Variants in CRK observed in about 807,000 individuals in gnomAD.
CRK encodes the protein CRK proto-oncogene, adaptor protein, also known as adapter molecule crk.
A neutral mutation model predicts 29.8 loss-of-function variants in CRK; 4 were observed. The observed-to-expected ratio is 0.13, with a 90% CI of 0.07 to 0.31. The LOEUF (loss-of-function observed/expected upper bound fraction) is 0.31, where lower values mean the gene tolerates loss of function less well. CRK is among the 10% of genes least tolerant of loss of function. The pLI, the probability that CRK is intolerant of heterozygous loss-of-function variation, is 1.00. For missense variants in CRK, 274 were observed against 396.5 expected, an observed-to-expected ratio of 0.69 and a Z score of 2.62; for synonymous variants, 153 against 164.9, an observed-to-expected ratio of 0.93 and a Z score of 0.55.
intron 1 of CRK, among the ~76,000 whole-genome samples, chr17:1,440,995 T>G (rs1466291410): frequency 6.6e-6 from 1 of 152,126 alleles, no homozygotes; most frequent in Admixed American, 6.6e-5. Flanking sequence ...CAGGCGGGAG[T>G]GCAGACCTCA....
intron 1 of CRK, among the ~76,000 whole-genome samples, chr17:1,443,396 T>C (rs1306028940): frequency 6.6e-6 from 1 of 151,882 alleles, no homozygotes. Context: ...TTTTTATTTT[T>C]ACTTTATTAT....
intron 1 of CRK, among the ~76,000 whole-genome samples, chr17:1,455,517 T>G (rs975150783): frequency 1.3e-5 from 2 of 152,194 alleles, no homozygotes; most frequent in African/African-American, 4.8e-5. Context: ...TGGGCGCCGC[T>G]GCCAAGTGAT....
chr17:1,446,970 TTACTTA>T (rs1429853313), intron 1 of CRK, among the ~76,000 whole-genome samples: 1 of 152,166 alleles, frequency 6.6e-6, no homozygotes, highest in Non-Finnish European at 1.5e-5. Flanking sequence ...TTGATGTACT[TTACTTA>T]TAAATTATTT....
At chr17:1,431,691 C>A (rs2073846564) in intron 2 of CRK, among the ~76,000 whole-genome samples, 1 of 152,136 alleles carries the variant, frequency 6.6e-6, no homozygotes, top group African/African-American at 2.4e-5. Flanking sequence ...AGGCTGAAGC[C>A]ATCCTCCCAT....
At chr17:1,438,106 G>A (rs180868777) in intron 1 of CRK, among the ~76,000 whole-genome samples, 3 of 151,994 alleles carry the variant, frequency 2.0e-5, no homozygotes, top group African/African-American at 7.2e-5. Flanking sequence ...GTATAATTCC[G>A]AAGAAGAAAA....
chr17:1,438,600 G>A (rs983214463), intron 1 of CRK, among the ~76,000 whole-genome samples: 5 of 151,416 alleles, frequency 3.3e-5, no homozygotes, highest in African/African-American at 1.2e-4. Flanking sequence ...AAGCAAACAG[G>A]TCATTAAAAA....
intron 1 of CRK, among the ~76,000 whole-genome samples, chr17:1,454,156 C>T (rs1281577870): frequency 1.3e-5 from 2 of 150,934 alleles, no homozygotes; most frequent in Non-Finnish European, 3.0e-5. Context: ...GAGCCAAGAT[C>T]GCGCCACTGC....
chr17:1,430,027 T>C (rs2073823064), intron 2 of CRK, among the ~76,000 whole-genome samples: 1 of 151,500 alleles, frequency 6.6e-6, no homozygotes, highest in Non-Finnish European at 1.5e-5. Context: ...AGATAATGGC[T>C]ATGCCATAAC....
chr17:1,453,074 C>T (rs1023307874), intron 1 of CRK, among the ~76,000 whole-genome samples: 1 of 152,118 alleles, frequency 6.6e-6, no homozygotes, highest in Non-Finnish European at 1.5e-5. Context: ...TGCCACTGCA[C>T]TCCAGCTTGG....
chr17:1,450,827 A>G (rs1238746546), intron 1 of CRK, among the ~76,000 whole-genome samples: 2 of 152,090 alleles, frequency 1.3e-5, no homozygotes, highest in Admixed American at 6.6e-5. Flanking sequence ...TGGAGGGTAC[A>G]GTGAGCTGAG....
At chr17:1,454,045 A>G (rs2074038111) in intron 1 of CRK, among the ~76,000 whole-genome samples, 1 of 151,892 alleles carries the variant, frequency 6.6e-6, no homozygotes, top group African/African-American at 2.4e-5. Flanking sequence ...TACTAAAAAT[A>G]CAAAAAATTA....
At position 1,438,454 on chromosome 17, in the gene CRK, T is replaced by C. The variant is rs117911983; in HGVS notation, c.242-1299A>G. Among the ~76,000 whole-genome samples, 112 of 152,150 alleles carry C rather than the reference T, an allele frequency of 7.4e-4. 2 individuals carry two copies. In the East Asian group the frequency reaches 0.019, roughly 26 times the overall value. ...CTCTGGTATCTTTTTAAATCTAAGA[T>C]AGGTGATCTCAATTTTATCTTTGAC... On this transcript the variant is annotated intron_variant, in intron 1 of 2. Coordinates refer to ENST00000300574, the MANE Select transcript of CRK (RefSeq NM_016823.4).
rs1318885706 is a variant in CRK at position 1,421,712 on chromosome 17, TCAGA to T, written c.*1797_*1800del. ...CAAATACGTGCACACTGACTGTGTG[TCAGA>T]CAGTGTGCCGGTCACTCGGACACCA... On this transcript the variant is annotated 3_prime_UTR_variant, in exon 3 of 3. Coordinates refer to ENST00000300574, the MANE Select transcript of CRK (RefSeq NM_016823.4). The T allele has an allele frequency of 1.3e-5, 2 of 152,184 alleles. No homozygotes were observed. The highest frequency in any genetic ancestry group is 2.9e-5 in the Non-Finnish European group (2 of 68,032). The allele number at this position is 152,184 out of a possible 1,614,324, so 9.4% of individuals were successfully genotyped here. A position where few individuals can be genotyped will look rare whatever the true frequency, so the allele number is the denominator to read the frequency against.
chr17:1,426,867 AAAAT>A (rs1313032716), intron 2 of CRK, among the ~76,000 whole-genome samples: 1 of 151,520 alleles, frequency 6.6e-6, no homozygotes, highest in African/African-American at 2.4e-5. Flanking sequence ...CTCAAAAAAT[AAAAT>A]AAATAAATAA....
chr17:1,428,979 G>T (rs1449016624), intron 2 of CRK, among the ~76,000 whole-genome samples: 1 of 151,556 alleles, frequency 6.6e-6, no homozygotes, highest in South Asian at 2.1e-4. Context: ...CTGAGTAGCT[G>T]GGATTACTGG....
chr17:1,425,233 C>T (rs371989071), intron 2 of CRK, among the ~76,000 whole-genome samples: 1 of 151,500 alleles, frequency 6.6e-6, no homozygotes, highest in South Asian at 2.1e-4. Flanking sequence ...GGGACTACAG[C>T]CGCCCGCCAC....
Position 1,455,891 on chromosome 17 carries a change from G to A in CRK, c.227C>T (p.Ala76Val), listed in dbSNP as rs758982759. 9.6e-5 allele frequency: 152 copies of A among 1,587,962 alleles called. No individual in the cohort carries two copies. The highest frequency in any genetic ancestry group is 1.2e-4 in the Non-Finnish European group (144 of 1,169,430). Residue 76 changes from alanine to valine, a missense_variant, in exon 1 of 3, where the codon GCC (alanine) becomes GTC (valine). Coordinates refer to ENST00000300574, the MANE Select transcript of CRK (RefSeq NM_016823.4). Reference protein sequence around the residue: ...GPRPPVPPSPAQPPPGVSPSR... With the variant: ...GPRPPVPPSPVQPPPGVSPSR... ...CAGTCCCTCACCGGGCGGAGGCTGG[G>A]CGGGCGACGGTGGCACCGGCGGGCG...
At chr17:1,444,176 G>A (rs557503624) in intron 1 of CRK, among the ~76,000 whole-genome samples, 49 of 152,164 alleles carry the variant, frequency 3.2e-4, no homozygotes, top group African/African-American at 1.0e-3. Flanking sequence ...AAGCTAAACT[G>A]CAGTAGCTAT....
chr17:1,441,236 G>GT (rs2073932822), intron 1 of CRK, among the ~76,000 whole-genome samples: 2 of 151,746 alleles, frequency 1.3e-5, no homozygotes, highest in African/African-American at 4.8e-5. Context: ...CCTTGGCTTT[G>GT]TTTTTTGAGA....
Sources: gnomAD v4.1 joint callset for allele counts (sites outside exome capture counted in the v4.1 genomes callset) on GRCh38, gnomAD v4.1.1 for gene constraint, MANE v1.5 for transcripts, NCBI Gene and HGNC (gene_info 2026-07-23, HGNC 2026-07-21) for gene names.